Variants in ARHGAP10 observed in about 807,000 individuals in gnomAD.
The protein encoded by ARHGAP10 is Rho GTPase activating protein 10.
ARHGAP10 carries 87 observed loss-of-function variants against 108.6 expected under a neutral mutation model. That is an observed-to-expected ratio of 0.80 (90% CI 0.67 to 0.96). The LOEUF is 0.96. Ranked by LOEUF, ARHGAP10 falls within the 40% of genes least tolerant of loss-of-function variation. The pLI is 0.00. For synonymous variants in ARHGAP10, 347 were observed against 341.1 expected (o/e 1.02, Z -0.19); for missense variants, 939 against 954.5 (o/e 0.98, Z 0.21).
At chr4:147,757,814 G>A (rs555492993) in intron 1 of ARHGAP10, among the ~76,000 whole-genome samples, 17 of 152,158 alleles carry the variant, frequency 1.1e-4, no homozygotes, top group African/African-American at 3.9e-4. Context: ...CCTGGCTCAC[G>A]CTGGTCATTG....
intron 1 of ARHGAP10, among the ~76,000 whole-genome samples, chr4:147,766,165 C>T (rs2126711732): frequency 6.6e-6 from 1 of 152,132 alleles, no homozygotes; most frequent in South Asian, 2.1e-4. Context: ...TGGTGGGTGT[C>T]TGTAGTCCCA....
At chr4:147,766,728 ATATATAT>A (rs1195018790) in intron 1 of ARHGAP10, among the ~76,000 whole-genome samples, 1 of 145,400 alleles carries the variant, frequency 6.9e-6, no homozygotes, top group Non-Finnish European at 1.5e-5. Context: ...TATAATATAA[ATATATAT>A]TATATACGTA....
intron 1 of ARHGAP10, among the ~76,000 whole-genome samples, chr4:147,764,723 C>T (rs575632617): frequency 6.6e-5 from 10 of 151,908 alleles, no homozygotes; most frequent in South Asian, 4.2e-4. Flanking sequence ...TTAGTAGAGA[C>T]GGAGTTTCGC....
intron 18 of ARHGAP10, among the ~76,000 whole-genome samples, chr4:147,985,838 G>A (rs1208734443): frequency 2.6e-5 from 4 of 152,130 alleles, no homozygotes; most frequent in Non-Finnish European, 5.9e-5. Context: ...GCTCTCCCTC[G>A]GCCTGGGTTG....
At chr4:147,744,493 G>GT (rs1487208565) in intron 1 of ARHGAP10, among the ~76,000 whole-genome samples, 1 of 152,174 alleles carries the variant, frequency 6.6e-6, no homozygotes, top group Non-Finnish European at 1.5e-5. Context: ...GAGTTGAATT[G>GT]TTGTAGAAAG....
intron 3 of ARHGAP10, among the ~76,000 whole-genome samples, chr4:147,828,880 G>GC (rs1553954377): frequency 6.9e-6 from 1 of 145,180 alleles, no homozygotes; most frequent in Non-Finnish European, 1.5e-5. Context: ...AGTCAAGATA[G>GC]TTTTTTTTTT....
At chr4:147,981,630 G>C (rs1028976046) in intron 18 of ARHGAP10, among the ~76,000 whole-genome samples, 1 of 152,172 alleles carries the variant, frequency 6.6e-6, no homozygotes, top group Non-Finnish European at 1.5e-5. Flanking sequence ...CCTCTGTGAT[G>C]TGTCTAATGC....
chr4:147,874,974 C>A, intron 7 of ARHGAP10, 47 bp from the exon 8 acceptor site: 1 of 1,474,298 alleles, frequency 6.8e-7, no homozygotes, highest in Non-Finnish European at 9.0e-7. Context: ...CATGAGAAAA[C>A]TCATATGAGA....
At chr4:147,926,734 G>A (rs1737475330) in intron 13 of ARHGAP10, among the ~76,000 whole-genome samples, 1 of 152,120 alleles carries the variant, frequency 6.6e-6, no homozygotes, top group African/African-American at 2.4e-5. Context: ...ATAAGACAGA[G>A]GGATAGGAGG....
At chr4:147,916,095 G>A (rs2126926069) in intron 13 of ARHGAP10, among the ~76,000 whole-genome samples, 1 of 152,276 alleles carries the variant, frequency 6.6e-6, no homozygotes, top group East Asian at 1.9e-4. Flanking sequence ...TTGGTAAATA[G>A]CATTAATAAC....
At chr4:147,899,521 T>A (rs755008865) in intron 10 of ARHGAP10, among the ~76,000 whole-genome samples, 3 of 152,252 alleles carry the variant, frequency 2.0e-5, no homozygotes, top group Non-Finnish European at 2.9e-5. Context: ...TGTTCTCTGA[T>A]AATTTTTTAC....
At chr4:147,942,385 A>C (rs777351164) in intron 14 of ARHGAP10, among the ~76,000 whole-genome samples, 1 of 152,216 alleles carries the variant, frequency 6.6e-6, no homozygotes, top group Non-Finnish European at 1.5e-5. Flanking sequence ...CCATTTTTAC[A>C]CAAAGTACTT....
chr4:147,989,671 T>C (rs1740193120), intron 18 of ARHGAP10, among the ~76,000 whole-genome samples: 1 of 152,248 alleles, frequency 6.6e-6, no homozygotes, highest in Admixed American at 6.5e-5. Flanking sequence ...TTATCTCTCT[T>C]ATTCCCTGAA....
At chr4:148,062,411 G>A (rs1325726886) in intron 20 of ARHGAP10, among the ~76,000 whole-genome samples, 1 of 152,204 alleles carries the variant, frequency 6.6e-6, no homozygotes, top group Non-Finnish European at 1.5e-5. Context: ...TGTTCAAAAT[G>A]TCACTGAATG....
At chr4:147,841,913 G>A (rs944984426) in intron 3 of ARHGAP10, among the ~76,000 whole-genome samples, 2 of 152,128 alleles carry the variant, frequency 1.3e-5, no homozygotes, top group Non-Finnish European at 1.5e-5. Context: ...AAGATAGTAA[G>A]GCAGAAACCC....
chr4:147,742,764 C>A (rs763679427), intron 1 of ARHGAP10, among the ~76,000 whole-genome samples: 1 of 152,012 alleles, frequency 6.6e-6, no homozygotes, highest in Non-Finnish European at 1.5e-5. Flanking sequence ...GGATTACAGG[C>A]ATGAGCCACT....
At chr4:147,957,928 T>G (rs1738850324) in intron 16 of ARHGAP10, among the ~76,000 whole-genome samples, 1 of 152,224 alleles carries the variant, frequency 6.6e-6, no homozygotes, top group Admixed American at 6.5e-5. Flanking sequence ...TTAAAACATT[T>G]TTTTCTTTGA....
rs1553949707 is a variant in ARHGAP10 at position 147,784,836 on chromosome 4, ATT to A, written c.155-37890_155-37889del. On this transcript the variant is annotated intron_variant, in intron 1 of 22. Coordinates refer to ENST00000336498, the MANE Select transcript of ARHGAP10 (RefSeq NM_024605.4). The stretch of plus-strand genomic sequence containing the variant: ...ATTATAAAATATATATTATAAATAT[ATT>A]ATAAAATATATATTATAAATATATT... 1.2e-4 allele frequency among the ~76,000 whole-genome samples: 12 copies of A among 100,314 alleles called. 1 individual carries two copies. Among genetic ancestry groups the A allele is most frequent in the African/African-American group, 3.9e-4 (10 of 25,624 alleles). The allele number at this position is 100,314 out of a possible 152,430, so 65.8% of individuals were successfully genotyped here.
In ARHGAP10 at chr4:147,732,534, G is replaced by A. The variant is rs1560729053; in HGVS notation, c.154+79G>A. 3.8e-6 allele frequency: 6 copies of A among 1,571,232 alleles called. No individual in the cohort carries two copies. The African/African-American group carries it at 4.1e-5, about 11-fold the overall frequency. ...AGCCTCTCTCGGCAGGAGACGGAGG[G>A]TCTTGTGTCCGGGGCCAGCAGCCAG... On this transcript the variant is annotated intron_variant, in intron 1 of 22. Transcript: ENST00000336498.
Sources: gnomAD v4.1 joint callset for allele counts (sites outside exome capture counted in the v4.1 genomes callset) on GRCh38, gnomAD v4.1.1 for gene constraint, MANE v1.5 for transcripts, NCBI Gene and HGNC (gene_info 2026-07-23, HGNC 2026-07-21) for gene names.